Variants in AMELY observed in about 807,000 individuals in gnomAD.
AMELY encodes the protein amelogenin Y-linked.
A neutral mutation model predicts 4.2 loss-of-function variants in AMELY; 4 were observed. The observed-to-expected ratio is 0.96, with a 90% CI of 0.47 to 2.19. AMELY has a LOEUF of 2.19. Among genes scored for constraint, AMELY ranks in the 30% most tolerant of loss-of-function variants. The pLI is 0.02. For missense variants in AMELY, 32 were observed against 41.5 expected, an observed-to-expected ratio of 0.77 and a Z score of 0.63; for synonymous variants, 11 against 14.7, an observed-to-expected ratio of 0.75 and a Z score of 0.57.
chrY:6,874,337 C>T (rs959484380), intron 1 of AMELY, among the ~76,000 whole-genome samples: 1 of 33,024 alleles, frequency 3.0e-5, no homozygotes, highest in African/African-American at 1.2e-4. Context: ...TGCCTGTGAT[C>T]GATTAAAATT....
chrY:6,870,089 A>G, intron 3 of AMELY, 36 bp from the exon 4 acceptor site: 1 of 352,162 alleles, frequency 2.8e-6, no homozygotes, highest in African/African-American at 6.8e-5. Flanking sequence ...AGAGAAAGAG[A>G]GAGGAAGGGA....
At chrY:6,904,395 C>T in intron 1 of AMELY, among the ~76,000 whole-genome samples, 1 of 33,644 alleles carries the variant, frequency 3.0e-5, no homozygotes, top group Non-Finnish European at 7.3e-5. Context: ...ATGCAGAGTG[C>T]ACAACCAGGT....
intron 1 of AMELY, among the ~76,000 whole-genome samples, chrY:6,906,660 T>C: frequency 9.0e-5 from 3 of 33,452 alleles, no homozygotes; most frequent in African/African-American, 2.3e-4. Context: ...TCATCTGATA[T>C]GGATTTTGCA....
At chrY:6,883,292 G>A in intron 1 of AMELY, among the ~76,000 whole-genome samples, 4 of 32,856 alleles carry the variant, frequency 1.2e-4, no homozygotes, top group Admixed American at 5.7e-4. Context: ...CATGTCCTTG[G>A]CAGGAACATG....
intron 1 of AMELY, among the ~76,000 whole-genome samples, chrY:6,897,819 C>G: frequency 9.6e-5 from 3 of 31,307 alleles, no homozygotes. Context: ...GAGTCTCACT[C>G]TGTTACCAAG....
intron 1 of AMELY, among the ~76,000 whole-genome samples, chrY:6,888,253 T>C (rs2054081137): frequency 5.9e-5 from 2 of 33,865 alleles, no homozygotes; most frequent in Non-Finnish European, 1.5e-4. Flanking sequence ...ATTTCTCTAA[T>C]GATCAATGAT....
At chrY:6,904,612 C>A in intron 1 of AMELY, among the ~76,000 whole-genome samples, 1 of 33,388 alleles carries the variant, frequency 3.0e-5, no homozygotes, top group African/African-American at 1.2e-4. Flanking sequence ...CATTGCAGGA[C>A]GGGGGAGAGA....
intron 1 of AMELY, among the ~76,000 whole-genome samples, chrY:6,894,490 C>A: frequency 3.0e-5 from 1 of 33,575 alleles, no homozygotes; most frequent in African/African-American, 1.2e-4. Flanking sequence ...TCTTATCGGG[C>A]ACCTAACAAT....
At chrY:6,895,540 A>G in intron 1 of AMELY, among the ~76,000 whole-genome samples, 1 of 33,814 alleles carries the variant, frequency 3.0e-5, no homozygotes, top group Non-Finnish European at 7.3e-5. Flanking sequence ...GTTTCTGTCC[A>G]GCAGAACCCT....
intron 1 of AMELY, among the ~76,000 whole-genome samples, chrY:6,886,359 G>C: frequency 1.2e-4 from 4 of 33,732 alleles, no homozygotes; most frequent in Admixed American, 1.1e-3. Flanking sequence ...CTTTGATATT[G>C]TTCATTTTGA....
chrY:6,875,822 AT>A (rs2054071535), intron 1 of AMELY, among the ~76,000 whole-genome samples: 1 of 32,609 alleles, frequency 3.1e-5, no homozygotes, highest in Non-Finnish European at 7.5e-5. Context: ...ATTTTATTTT[AT>A]TTTTATTTCA....
intron 1 of AMELY, among the ~76,000 whole-genome samples, chrY:6,875,742 A>C: frequency 9.0e-5 from 3 of 33,179 alleles, no homozygotes; most frequent in African/African-American, 3.5e-4. Context: ...TGTAGAGAAG[A>C]GGTGAGAGAG....
intron 3 of AMELY, among the ~76,000 whole-genome samples, chrY:6,871,641 G>A: frequency 3.1e-5 from 1 of 32,039 alleles, no homozygotes; most frequent in Non-Finnish European, 7.6e-5. Context: ...ACTTTCTCTG[G>A]AGACCTTTCA....
chrY:6,889,333 A>G (rs2054081859), intron 1 of AMELY, among the ~76,000 whole-genome samples: 1 of 33,911 alleles, frequency 2.9e-5, no homozygotes, highest in Non-Finnish European at 7.3e-5. Context: ...ATGTAATACT[A>G]AAACATAATA....
At chrY:6,887,146 G>A (rs2054080593) in intron 1 of AMELY, among the ~76,000 whole-genome samples, 1 of 32,992 alleles carries the variant, frequency 3.0e-5, no homozygotes, top group Non-Finnish European at 7.4e-5. Context: ...AGGAGAAAAA[G>A]ACATTACAGA....
chrY:6,888,894 G>C (rs1603022521), intron 1 of AMELY, among the ~76,000 whole-genome samples: 1 of 12,711 alleles, frequency 7.9e-5, no homozygotes, highest in Non-Finnish European at 1.6e-4. Context: ...AAAAAAAAAA[G>C]ATTATATTTA....
chrY:6,880,563 C>T (rs2124081988), intron 1 of AMELY, among the ~76,000 whole-genome samples: 1 of 33,195 alleles, frequency 3.0e-5, no homozygotes, highest in East Asian at 7.9e-4. Context: ...AGGGAGTATT[C>T]CCTCTTTTTC....
At position 6,868,302 on chromosome Y, in the gene AMELY, G is replaced by A. The variant is rs773265244; in HGVS notation, c.308C>T (p.Pro103Leu). 2.5e-6 allele frequency: 1 copy of A among 398,300 alleles called. No homozygotes were observed. The highest frequency in any genetic ancestry group is 3.5e-6 in the Non-Finnish European group (1 of 283,620). Residue 103 changes from proline (P) to leucine (L), a missense_variant, in exon 6 of 7, where the codon CCT becomes CTT. Pro to Leu is a moderately conservative substitution (Grantham distance 98). Coordinates refer to ENST00000651267, the MANE Select transcript of AMELY (RefSeq NM_001143.2). ...QPRVRQQALMPVPGQQSMTPT... is the reference protein window; with the variant it reads ...QPRVRQQALMLVPGQQSMTPT... The stretch of plus-strand genomic sequence containing the variant: ...AGTCATGGATTGCTGGCCAGGAACA[G>A]GCATCAGTGCTTGCTGGCGGACCCT...
chrY:6,884,931 G>C, intron 1 of AMELY, among the ~76,000 whole-genome samples: 1 of 33,294 alleles, frequency 3.0e-5, no homozygotes, highest in South Asian at 6.7e-4. Flanking sequence ...GACATAAACA[G>C]AGATTTCTCA....
Sources: gnomAD v4.1 joint callset for allele counts (sites outside exome capture counted in the v4.1 genomes callset) on GRCh38, gnomAD v4.1.1 for gene constraint, MANE v1.5 for transcripts, NCBI Gene and HGNC (gene_info 2026-07-23, HGNC 2026-07-21) for gene names.